The following SPRED2 variants were observed in gnomAD, a reference collection of about 807,000 sequenced individuals.
SPRED2 encodes the protein sprouty related EVH1 domain containing 2.
A neutral mutation model predicts 43.0 loss-of-function variants in SPRED2; 47 were observed. The ratio of observed to expected loss-of-function variants is 1.09; its 90% CI spans 0.87 to 1.40. The LOEUF is 1.40. SPRED2 is among the 40% of genes most tolerant of loss of function. SPRED2 has a pLI of 0.00. For synonymous variants in SPRED2, 225 were observed against 225.7 expected (o/e 1.00, Z 0.03); for missense variants, 561 against 586.4 (o/e 0.96, Z 0.45).
At chr2:65,361,632 G>T (rs778284574) in intron 1 of SPRED2, among the ~76,000 whole-genome samples, 1 of 152,168 alleles carries the variant, frequency 6.6e-6, no homozygotes, top group East Asian at 1.9e-4. Flanking sequence ...ATAATCACAA[G>T]AATTTCCTGA....
At chr2:65,315,759 C>T (rs957617537) in intron 5 of SPRED2, among the ~76,000 whole-genome samples, 1 of 152,196 alleles carries the variant, frequency 6.6e-6, no homozygotes, top group East Asian at 1.9e-4. Context: ...CCTGGGTTCA[C>T]GCCATTGTCC....
At chr2:65,362,331 G>A (rs1674836732) in intron 1 of SPRED2, among the ~76,000 whole-genome samples, 1 of 151,858 alleles carries the variant, frequency 6.6e-6, no homozygotes, top group African/African-American at 2.4e-5. Context: ...GTGCAGTGGC[G>A]CGATCTGGGC....
intron 1 of SPRED2, among the ~76,000 whole-genome samples, chr2:65,382,332 G>C (rs1256056886): frequency 1.3e-5 from 2 of 152,226 alleles, no homozygotes; most frequent in African/African-American, 4.8e-5. Flanking sequence ...AAAGCCAGGG[G>C]GGGTGCTTTG....
chr2:65,400,352 T>A (rs1027579411), intron 1 of SPRED2, among the ~76,000 whole-genome samples: 3 of 152,248 alleles, frequency 2.0e-5, no homozygotes, highest in African/African-American at 7.2e-5. Flanking sequence ...TTTTGCTTAG[T>A]TTTCTATGTG....
intron 1 of SPRED2, among the ~76,000 whole-genome samples, chr2:65,365,142 G>A (rs188920783): frequency 3.9e-4 from 59 of 152,226 alleles, no homozygotes; most frequent in Non-Finnish European, 6.2e-4. Flanking sequence ...ACAGATGTGG[G>A]CATGAAAATT....
intron 1 of SPRED2, among the ~76,000 whole-genome samples, chr2:65,369,416 C>G (rs1249965331): frequency 6.6e-6 from 1 of 152,172 alleles, no homozygotes; most frequent in Admixed American, 6.5e-5. Flanking sequence ...CCACTACCAT[C>G]CCAATAAGCC....
downstream of SPRED2, among the ~76,000 whole-genome samples, chr2:65,309,424 T>A (rs1325915497): frequency 6.8e-6 from 1 of 147,306 alleles, no homozygotes; most frequent in Non-Finnish European, 1.5e-5. Flanking sequence ...GAGAATCACT[T>A]GAGTCCAGGA....
At chr2:65,422,140 CCTCA>C (rs1676444376) in intron 1 of SPRED2, among the ~76,000 whole-genome samples, 1 of 138,350 alleles carries the variant, frequency 7.2e-6, no homozygotes, top group Non-Finnish European at 1.6e-5. Flanking sequence ...TCTCTCTTAC[CCTCA>C]CTCATTCTTT....
intron 1 of SPRED2, among the ~76,000 whole-genome samples, chr2:65,405,403 T>C (rs1675999323): frequency 6.6e-6 from 1 of 152,238 alleles, no homozygotes; most frequent in Admixed American, 6.5e-5. Flanking sequence ...CTGCAAATCA[T>C]CCTCGATTTT....
At chr2:65,381,177 C>G (rs962637941) in intron 1 of SPRED2, among the ~76,000 whole-genome samples, 3 of 152,222 alleles carry the variant, frequency 2.0e-5, no homozygotes, top group African/African-American at 7.2e-5. Flanking sequence ...CAGCAAAGCT[C>G]AGAGGCGCTC....
At chr2:65,418,246 A>C (rs918915493) in intron 1 of SPRED2, among the ~76,000 whole-genome samples, 1 of 152,232 alleles carries the variant, frequency 6.6e-6, no homozygotes. Context: ...TCAAAGAACA[A>C]AAGTCCAAAT....
chr2:65,371,020 C>G (rs1675113074), intron 1 of SPRED2, among the ~76,000 whole-genome samples: 1 of 152,170 alleles, frequency 6.6e-6, no homozygotes, highest in Admixed American at 6.5e-5. Context: ...GGCTGAATAG[C>G]CACACACAGG....
In SPRED2 at chr2:65,432,160, T is replaced by C. The variant is rs1668890734; in HGVS notation, c.-173A>G. Reference sequence around the variant, plus strand: ...AGGGGAAGCAGGGCGCGGGATAGGGTTTGGGGGAAGGGGTGCAAAGGCAGG... The same window carrying C: ...AGGGGAAGCAGGGCGCGGGATAGGGCTTGGGGGAAGGGGTGCAAAGGCAGG... On this transcript the variant is annotated 5_prime_UTR_variant, in exon 1 of 6. Transcript: ENST00000356388. 3.8e-6 allele frequency: 3 copies of C among 783,864 alleles called. No homozygotes were observed. The highest frequency in any genetic ancestry group is 6.2e-6 in the Non-Finnish European group (3 of 482,082). 48.6% of individuals were successfully genotyped at this position (783,864 alleles called of 1,614,324 possible). A position where few individuals can be genotyped will look rare whatever the true frequency, so the allele number is the denominator to read the frequency against.
chr2:65,391,471 G>A (rs931282155), intron 1 of SPRED2, among the ~76,000 whole-genome samples: 8 of 152,148 alleles, frequency 5.3e-5, no homozygotes, highest in African/African-American at 1.9e-4. Flanking sequence ...ATGTTATGTA[G>A]GCAGAATTCT....
chr2:65,376,389 T>C (rs1250756376), intron 1 of SPRED2, among the ~76,000 whole-genome samples: 4 of 152,210 alleles, frequency 2.6e-5, no homozygotes, highest in Non-Finnish European at 5.9e-5. Context: ...ACAGATTAAC[T>C]GGGGCATAAT....
chr2:65,331,984 T>C lies in SPRED2; in HGVS notation c.438+3A>G, dbSNP rs748577988. 1 of 1,604,358 alleles carries C rather than the reference T, an allele frequency of 6.2e-7. No homozygotes were observed. The highest frequency in any genetic ancestry group is 8.5e-7 in the Non-Finnish European group (1 of 1,173,836). ...TGGAAAGCAAAGGACAAAGGAAACT[T>C]ACTGTAAAAACGTCATCATCGCCAA... is the stretch of plus-strand genomic sequence containing the variant. On this transcript the variant is annotated splice_donor_region_variant and intron_variant, in intron 4 of 5. Transcript: ENST00000356388.
At chr2:65,416,991 C>T (rs986937341) in intron 1 of SPRED2, among the ~76,000 whole-genome samples, 15 of 152,118 alleles carry the variant, frequency 9.9e-5, no homozygotes, top group African/African-American at 3.1e-4. Flanking sequence ...TATGACCAGA[C>T]GGTCAACTCC....
intron 1 of SPRED2, among the ~76,000 whole-genome samples, chr2:65,425,364 C>G (rs888611884): frequency 6.6e-6 from 1 of 152,180 alleles, no homozygotes; most frequent in African/African-American, 2.4e-5. Flanking sequence ...TTTACCTTTA[C>G]CCTCTAAGTG....
At chr2:65,315,110 A>G (rs1304904133) in intron 5 of SPRED2, among the ~76,000 whole-genome samples, 2 of 152,112 alleles carry the variant, frequency 1.3e-5, no homozygotes. Flanking sequence ...AATTACATGC[A>G]TATAACCCTG....
Sources: gnomAD v4.1 joint callset for allele counts (sites outside exome capture counted in the v4.1 genomes callset) on GRCh38, gnomAD v4.1.1 for gene constraint, MANE v1.5 for transcripts, NCBI Gene and HGNC (gene_info 2026-07-23, HGNC 2026-07-21) for gene names.